Variants in TMEM278 observed in about 807,000 individuals in gnomAD.
TMEM278 encodes the protein transmembrane protein 278, also known as transmembrane protein 88B.
At chr1:1,426,415 A>G in the TMEM278 span, 3 of 1,349,404 alleles carry the variant, frequency 2.2e-6, no homozygotes, top group South Asian at 1.7e-5. Flanking sequence ...GCGGGGGACT[A>G]GCTGGGGTCC....
chr1:1,428,833 T>C, the TMEM278 span, among the ~76,000 whole-genome samples: 20 of 152,016 alleles, frequency 1.3e-4, no homozygotes, highest in African/African-American at 4.6e-4. Context: ...ACCCCGTCTC[T>C]ACTAAAAAAT....
the TMEM278 span, among the ~76,000 whole-genome samples, chr1:1,428,999 CAAAAA>C: frequency 1.4e-4 from 13 of 93,284 alleles, no homozygotes; most frequent in African/African-American, 2.3e-4. Context: ...GGCTCCGTCT[CAAAAA>C]AAAAAAAAAA....
the TMEM278 span, chr1:1,426,115 C>CA: frequency 7.2e-7 from 1 of 1,384,638 alleles, no homozygotes; most frequent in South Asian, 1.7e-5. Flanking sequence ...CACAGGCCTG[C>CA]AGTGGCAGGA....
At chr1:1,429,030 G>A in the TMEM278 span, among the ~76,000 whole-genome samples, 7 of 150,646 alleles carry the variant, frequency 4.6e-5, no homozygotes, top group South Asian at 2.1e-4. Flanking sequence ...TTAGCTGGGC[G>A]TGGTGGTGGG....
chr1:1,426,683 G>A, the TMEM278 span, among the ~76,000 whole-genome samples: 1 of 152,100 alleles, frequency 6.6e-6, no homozygotes, highest in Non-Finnish European at 1.5e-5. Flanking sequence ...TCCAGGAAAA[G>A]AAGATGAAAA....
At chr1:1,427,847 G>T in the TMEM278 span, 1 of 1,315,244 alleles carries the variant, frequency 7.6e-7, no homozygotes, top group Non-Finnish European at 9.7e-7. Context: ...CCCATCGCGT[G>T]GCCCGGCCCG....
chr1:1,426,151 G>A, the TMEM278 span: 23 of 1,376,424 alleles, frequency 1.7e-5, no homozygotes, highest in African/African-American at 4.6e-5. Flanking sequence ...GGAGGGAGAC[G>A]GAGGAGGAGG....
the TMEM278 span, among the ~76,000 whole-genome samples, chr1:1,426,566 G>C: frequency 2.0e-5 from 3 of 152,124 alleles, no homozygotes; most frequent in Non-Finnish European, 4.4e-5. Context: ...AAGAGCTTTT[G>C]TTTTTCACCC....
chr1:1,426,427 G>A, the TMEM278 span: 1 of 1,331,232 alleles, frequency 7.5e-7, no homozygotes, highest in Non-Finnish European at 9.6e-7. Context: ...CTGGGGTCCT[G>A]GGGAGTGGGC....
the TMEM278 span, among the ~76,000 whole-genome samples, chr1:1,427,149 T>C: frequency 7.1e-6 from 1 of 139,888 alleles, no homozygotes; most frequent in Non-Finnish European, 1.6e-5. Context: ...TTCATCTCTA[T>C]CGCCCACTCC....
At chr1:1,429,664 A>G in the TMEM278 span, among the ~76,000 whole-genome samples, 9 of 152,282 alleles carry the variant, frequency 5.9e-5, no homozygotes, top group South Asian at 1.9e-3. Context: ...GCTTCCCTCC[A>G]GAGACTATTC....
At chr1:1,426,286 C>T in the TMEM278 span, 141 of 1,496,820 alleles carry the variant, frequency 9.4e-5, no homozygotes, top group East Asian at 1.1e-4. Flanking sequence ...GGCTGCTGGC[C>T]GGGCTCCTGC....
the TMEM278 span, among the ~76,000 whole-genome samples, chr1:1,426,562 TTTTG>T: frequency 6.6e-6 from 1 of 152,006 alleles, no homozygotes; most frequent in East Asian, 1.9e-4. Context: ...AAAGAAGAGC[TTTTG>T]TTTTTCACCC....
At chr1:1,430,104 C>T in the TMEM278 span, among the ~76,000 whole-genome samples, 5 of 152,322 alleles carry the variant, frequency 3.3e-5, no homozygotes, top group South Asian at 4.1e-4. Flanking sequence ...GCAATCCTCT[C>T]GCCTCAGCCT....
the TMEM278 span, among the ~76,000 whole-genome samples, chr1:1,428,999 CAAAAAAAAA>C: frequency 1.1e-5 from 1 of 93,286 alleles, no homozygotes; most frequent in African/African-American, 3.8e-5. Context: ...GGCTCCGTCT[CAAAAAAAAA>C]AAAAAAAAAA....
At chr1:1,427,050 G>A in the TMEM278 span, among the ~76,000 whole-genome samples, 1 of 74,726 alleles carries the variant, frequency 1.3e-5, no homozygotes, top group Non-Finnish European at 2.6e-5. Flanking sequence ...CCTTCGCCCA[G>A]GCCCTAATCC....
the TMEM278 span, among the ~76,000 whole-genome samples, chr1:1,428,566 G>A: frequency 6.6e-6 from 1 of 152,124 alleles, no homozygotes; most frequent in Non-Finnish European, 1.5e-5. Context: ...CATCAGCTCT[G>A]GAAATCCCTC....
chr1:1,428,240 G>A, the TMEM278 span, among the ~76,000 whole-genome samples: 3 of 151,562 alleles, frequency 2.0e-5, no homozygotes, highest in Non-Finnish European at 4.4e-5. Flanking sequence ...AGCCCTCAGA[G>A]GAGGGGCGCA....
At chr1:1,427,918 C>T in the TMEM278 span, 17 of 837,772 alleles carry the variant, frequency 2.0e-5, no homozygotes, top group Admixed American at 1.0e-4. Context: ...TCCCGGCTTA[C>T]GACCCCGGCC....
Sources: allele counts gnomAD v4.1 joint callset (sites outside exome capture counted in the v4.1 genomes callset), GRCh38; gene constraint gnomAD v4.1.1; transcripts MANE v1.5; gene names NCBI Gene and HGNC (gene_info 2026-07-23, HGNC 2026-07-21).